FCAMR: variants seen among roughly 807,000 people sequenced by gnomAD.
The protein encoded by FCAMR is high affinity immunoglobulin alpha and immunoglobulin mu Fc receptor.
Under a neutral mutation model 52.2 loss-of-function variants are expected in FCAMR, and 51 were observed. That is an observed-to-expected ratio of 0.98 (90% CI 0.78 to 1.23). The LOEUF (loss-of-function observed/expected upper bound fraction) is 1.23. Ranked by LOEUF, FCAMR falls within the 50% of genes most tolerant of loss-of-function variation. The pLI is 0.00. For missense variants in FCAMR, 719 were observed against 712.6 expected (o/e 1.01, Z -0.10); for synonymous variants, 282 against 262.0 (o/e 1.08, Z -0.74).
At chr1:206,962,710 T>C (rs1038055591) in intron 4 of FCAMR, among the ~76,000 whole-genome samples, 159 bp from the exon 5 acceptor site, 2 of 152,182 alleles carry the variant, frequency 1.3e-5, no homozygotes, top group African/African-American at 2.4e-5. Context: ...AACTCAGCCA[T>C]TGGGAAAGCA....
At chr1:206,969,290 C>A in intron 1 of FCAMR, 1 of 456,370 alleles carries the variant, frequency 2.2e-6, no homozygotes, top group Non-Finnish European at 4.4e-6. Context: ...AAGCCGGCTC[C>A]GTGGGGCAAT....
chr1:206,968,549 G>A (rs1402148941), intron 1 of FCAMR, among the ~76,000 whole-genome samples: 1 of 152,192 alleles, frequency 6.6e-6, no homozygotes, highest in Non-Finnish European at 1.5e-5. Context: ...CTACTGTTAA[G>A]GACAGGCGCT....
In FCAMR at chr1:206,960,929, C is replaced by T. The variant is rs1558023755; in HGVS notation, c.947G>A (p.Ser316Asn). The change falls in exon 6 of 8, where the codon AGC (serine) becomes AAC (asparagine). Residue 316 changes from serine (S) to asparagine (N), a missense_variant. Ser to Asn is a conservative substitution (Grantham distance 46). Coordinates refer to ENST00000324852, the MANE Select transcript of FCAMR (RefSeq NM_001170631.2). ...APIPESPPSK[S>N]RSMSNTTEGV... ...TTCTGTTGTATTGGACATGCTTCTG[C>T]TCTTTGAAGGTGGACTCTCTGGAAT... is the stretch of plus-strand genomic sequence containing the variant. 3 of 1,552,312 alleles carry T rather than the reference C, an allele frequency of 1.9e-6. No homozygotes were observed. The highest frequency in any genetic ancestry group is 1.7e-6 in the Non-Finnish European group (2 of 1,147,122).
chr1:206,965,410 T>C (rs1245386845), intron 4 of FCAMR, among the ~76,000 whole-genome samples: 1 of 152,246 alleles, frequency 6.6e-6, no homozygotes, highest in Non-Finnish European at 1.5e-5. Context: ...TCAATAGCTC[T>C]TTGTTATATA....
At chr1:206,969,465 G>C (rs949432912) in intron 1 of FCAMR, 2 of 359,746 alleles carry the variant, frequency 5.6e-6, no homozygotes, top group Non-Finnish European at 1.1e-5. Flanking sequence ...GTAGCCTGGG[G>C]CCACAGGCTT....
chr1:206,969,744 T>A (rs1680863321), intron 1 of FCAMR, among the ~76,000 whole-genome samples: 1 of 152,216 alleles, frequency 6.6e-6, no homozygotes, highest in African/African-American at 2.4e-5. Context: ...TGCAGCAGCC[T>A]CAGGCTGCTG....
intron 6 of FCAMR, 172 bp downstream of exon 6, chr1:206,960,250 G>A (rs1330046354): frequency 4.7e-6 from 3 of 632,494 alleles, no homozygotes; most frequent in Non-Finnish European, 8.3e-6. Context: ...GAAATACTCA[G>A]GGAGCGTTCT....
At position 206,968,312 on chromosome 1, in the gene FCAMR, T is replaced by A. The variant is rs1211733483; in HGVS notation, c.40-661A>T. Among the ~76,000 whole-genome samples, 4 of 151,902 alleles carry A rather than the reference T, an allele frequency of 2.6e-5. 1 individual carries two copies. Among genetic ancestry groups the A allele is most frequent in the African/African-American group, 9.7e-5 (4 of 41,394 alleles). On this transcript the variant is annotated intron_variant, in intron 1 of 7. Transcript: ENST00000324852. Reference sequence around the variant, plus strand: ...CCGTGCCACTGCACTACCACTTGGGTGACAGAGCAAGACTCTGTCTCAACA... The same window carrying A: ...CCGTGCCACTGCACTACCACTTGGGAGACAGAGCAAGACTCTGTCTCAACA...
intron 1 of FCAMR, 70 bp from the exon 2 acceptor site, chr1:206,967,721 G>C (rs1351736277): frequency 1.0e-5 from 14 of 1,397,144 alleles, no homozygotes; most frequent in African/African-American, 1.4e-5. Context: ...GCCTCGGTTA[G>C]TAACAAGGAG....
At chr1:206,964,451 G>A (rs1344419695) in intron 4 of FCAMR, among the ~76,000 whole-genome samples, 1 of 151,778 alleles carries the variant, frequency 6.6e-6, no homozygotes, top group Non-Finnish European at 1.5e-5. Context: ...TTGAGGGTGG[G>A]GCCTGGTGGG....
Position 206,958,520 on chromosome 1 carries a change from G to C in FCAMR, c.1730C>G (p.Pro577Arg), listed in dbSNP as rs758295007. 1.2e-6 allele frequency: 2 copies of C among 1,611,476 alleles called. No individual in the cohort carries two copies. Among genetic ancestry groups the C allele is most frequent in the Non-Finnish European group, 8.5e-7 (1 of 1,179,406 alleles). Residue 577 changes from proline to arginine, a missense_variant, in exon 8 of 8, where the codon CCC (proline) becomes CGC (arginine). Pro to Arg is a moderately radical substitution (Grantham distance 103). Coordinates refer to ENST00000324852, the MANE Select transcript of FCAMR (RefSeq NM_001170631.2). ...AGCAGTTCATCTCTCTGTCCCTCAG[G>C]GTCCTGGATTTCTCTCTGGGGCAGT... is the stretch of plus-strand genomic sequence containing the variant. ...SLTAPERNPGP is the reference protein window; with the variant it reads ...SLTAPERNPGR
chr1:206,961,436 A>C (rs998275131), intron 5 of FCAMR, among the ~76,000 whole-genome samples: 2 of 152,334 alleles, frequency 1.3e-5, no homozygotes, highest in African/African-American at 4.8e-5. Context: ...GCAGACACTG[A>C]CATGTTATAC....
intron 4 of FCAMR, among the ~76,000 whole-genome samples, chr1:206,965,391 G>A (rs1473788054): frequency 6.6e-6 from 1 of 152,194 alleles, no homozygotes; most frequent in East Asian, 1.9e-4. Context: ...TCATTTGATA[G>A]ATCACTGATC....
chr1:206,963,027 C>T (rs189971153), intron 4 of FCAMR, among the ~76,000 whole-genome samples: 54 of 150,282 alleles, frequency 3.6e-4, no homozygotes, highest in African/African-American at 1.4e-3. Flanking sequence ...AACAAGGACC[C>T]TTTCAGGACA....
rs548207600 is a variant in FCAMR, at chr1:206,962,515, C to A, written c.350G>T (p.Gly117Val). 2 of 1,597,454 alleles carry A rather than the reference C, an allele frequency of 1.3e-6. No homozygotes were observed. The highest frequency in any genetic ancestry group is 1.7e-6 in the Non-Finnish European group (2 of 1,168,662). Residue 117 changes from glycine to valine, a missense_variant, in exon 5 of 8, where the codon GGG (glycine) becomes GTG (valine). Physicochemically the swap from Gly to Val is moderately radical, Grantham distance 109 (BLOSUM62 -3). Transcript: ENST00000324852. ...NSLKGSRLVS[G>V]EPGGAVTIQC... ...GATGGTGACAGCTCCTCCAGGCTCC[C>A]CTGACACCAGCCTTGAGCCCTTCAA...
In FCAMR at chr1:206,965,023, T is replaced by A. The variant is rs56247513; in HGVS notation, c.313+692A>T. Among the ~76,000 whole-genome samples, 404 of 152,340 alleles carry A rather than the reference T, an allele frequency of 2.7e-3. 2 individuals carry two copies. The highest frequency in any genetic ancestry group is 4.6e-3 in the Non-Finnish European group (316 of 68,040). Reference sequence around the variant, plus strand: ...GAGTAGAGGTCATAAATGTTATGTCTGTGCTGATACTCACTGTACGTTTCA... The same window carrying A: ...GAGTAGAGGTCATAAATGTTATGTCAGTGCTGATACTCACTGTACGTTTCA... On this transcript the variant is annotated intron_variant, in intron 4 of 7. Transcript: ENST00000324852.
intron 4 of FCAMR, among the ~76,000 whole-genome samples, chr1:206,963,090 C>T (rs771670779): frequency 2.0e-5 from 3 of 152,208 alleles, no homozygotes; most frequent in Non-Finnish European, 2.9e-5. Context: ...ATGTAAAAGA[C>T]AGATGCTAAG....
rs1050480421 is a variant in FCAMR, at chr1:206,965,599, T to C, written c.313+116A>G. 8.8e-6 allele frequency: 11 copies of C among 1,250,826 alleles called. No individual in the cohort carries two copies. The African/African-American group carries it at 1.4e-4, about 16-fold the overall frequency. 77.5% of individuals were successfully genotyped at this position (1,250,826 alleles called of 1,614,324 possible). A position where few individuals can be genotyped will look rare whatever the true frequency, so the allele number is the denominator to read the frequency against. On this transcript the variant is annotated intron_variant, in intron 4 of 7. Coordinates refer to ENST00000324852, the MANE Select transcript of FCAMR (RefSeq NM_001170631.2). ...GTTACTCAGCAATTGTCTATTGCTATGGCTTCCATTAGGAGAGGCTAGGGC... is the reference window on the plus strand; with the variant it reads ...GTTACTCAGCAATTGTCTATTGCTACGGCTTCCATTAGGAGAGGCTAGGGC...
In FCAMR at chr1:206,961,713, G is replaced by T. The variant is rs528374560; in HGVS notation, c.653-490C>A. 5.3e-5 allele frequency among the ~76,000 whole-genome samples: 8 copies of T among 152,344 alleles called. No homozygotes were observed. The South Asian group carries it at 1.7e-3, about 32-fold the overall frequency. On this transcript the variant is annotated intron_variant, in intron 5 of 7. Transcript: ENST00000324852. ...CCTGGAGGCCCTTCCTATGCTCTGG[G>T]TGCCTGACTTGGGATCAACAAACAG...
Sources: gnomAD v4.1 joint callset for allele counts (sites outside exome capture counted in the v4.1 genomes callset) on GRCh38, gnomAD v4.1.1 for gene constraint, MANE v1.5 for transcripts, NCBI Gene and HGNC (gene_info 2026-07-23, HGNC 2026-07-21) for gene names.